The following DIP2C variants were observed in gnomAD, a reference collection of about 807,000 sequenced individuals.
DIP2C encodes the protein disco-interacting protein 2 homolog C.
A neutral mutation model predicts 192.4 loss-of-function variants in DIP2C; 33 were observed. The ratio of observed to expected loss-of-function variants is 0.17; its 90% CI spans 0.13 to 0.23. The LOEUF is 0.23. Ranked by LOEUF, DIP2C falls within the 10% of genes least tolerant of loss-of-function variation. The probability of loss-of-function intolerance (pLI) is 1.00; values close to 1 mark genes in which losing one functional copy is unlikely to be tolerated. For synonymous variants in DIP2C, 979 were observed against 864.1 expected, an observed-to-expected ratio of 1.13 and a Z score of -2.33; for missense variants, 1,537 against 2,110.1, an observed-to-expected ratio of 0.73 and a Z score of 5.32.
intron 1 of DIP2C, chr10:630,157 C>T (rs1564286899): frequency 6.6e-6 from 1 of 152,220 alleles, no homozygotes; most frequent in Non-Finnish European, 1.5e-5. Flanking sequence ...AGAAGCAAAA[C>T]CCGAGACTCA....
chr10:678,007 T>C (rs925403755), intron 1 of DIP2C, among the ~76,000 whole-genome samples: 13 of 152,380 alleles, frequency 8.5e-5, no homozygotes, highest in Non-Finnish European at 1.8e-4. Context: ...CTGCAGAGCA[T>C]AGCCCGAAGG....
chr10:315,155 G>A (rs960486535), intron 31 of DIP2C, among the ~76,000 whole-genome samples: 3 of 152,072 alleles, frequency 2.0e-5, no homozygotes, highest in African/African-American at 2.4e-5. Flanking sequence ...GTGCATTTCC[G>A]GGGCCCAACT....
chr10:326,471 C>T (rs1957276295), intron 31 of DIP2C, among the ~76,000 whole-genome samples: 1 of 152,176 alleles, frequency 6.6e-6, no homozygotes, highest in South Asian at 2.1e-4. Context: ...CCTTATTCTT[C>T]CAGGAAGGAA....
intron 1 of DIP2C, among the ~76,000 whole-genome samples, chr10:560,802 G>A (rs1277050653): frequency 2.0e-5 from 3 of 152,154 alleles, no homozygotes; most frequent in African/African-American, 7.2e-5. Flanking sequence ...TCCAGGCCAT[G>A]ATCGGTGGGG....
chr10:482,646 TGAGA>T (rs1843689173), intron 2 of DIP2C, among the ~76,000 whole-genome samples: 1 of 152,204 alleles, frequency 6.6e-6, no homozygotes, highest in African/African-American at 2.4e-5. Flanking sequence ...GAAGTTGCTG[TGAGA>T]AAGAGGAGCT....
chr10:349,502 C>T, intron 24 of DIP2C, 48 bp from the exon 25 acceptor site: 1 of 1,575,476 alleles, frequency 6.3e-7, no homozygotes, highest in Non-Finnish European at 8.6e-7. Context: ...TTCAGCAGAG[C>T]AGCTTGCAGA....
Position 678,477 on chromosome 10 carries a change from C to T in DIP2C, c.85+11017G>A, listed in dbSNP as rs554584566. ...AGGAAGCACACACGCACTCTCCATACCCTGTGCTCCCAGCACCCGTCCTCC... is the reference window on the plus strand; with the variant it reads ...AGGAAGCACACACGCACTCTCCATATCCTGTGCTCCCAGCACCCGTCCTCC... On this transcript the variant is annotated intron_variant, in intron 1 of 36. Coordinates refer to ENST00000280886, the MANE Select transcript of DIP2C (RefSeq NM_014974.3). Among the ~76,000 whole-genome samples, 6 of 145,314 alleles carry T rather than the reference C, an allele frequency of 4.1e-5. No homozygotes were observed. The Admixed American group carries it at 4.3e-4, about 10-fold the overall frequency.
chr10:288,539 TCCAACAG>T, intron 32 of DIP2C, 118 bp from the exon 33 acceptor site: 1 of 1,063,414 alleles, frequency 9.4e-7, no homozygotes, highest in Non-Finnish European at 1.4e-6. Context: ...CTGAGCATCA[TCCAACAG>T]CAAGGACGAA....
intron 2 of DIP2C, among the ~76,000 whole-genome samples, chr10:474,286 G>A (rs1970884859): frequency 6.6e-6 from 1 of 152,170 alleles, no homozygotes; most frequent in East Asian, 1.9e-4. Flanking sequence ...AGCGTCCGCA[G>A]TGTGCTACAA....
At chr10:299,983 A>G (rs1955942561) in intron 32 of DIP2C, among the ~76,000 whole-genome samples, 1 of 152,220 alleles carries the variant, frequency 6.6e-6, no homozygotes, top group Non-Finnish European at 1.5e-5. Flanking sequence ...ACCCATTAGG[A>G]TAACTACTCT....
chr10:598,573 C>T (rs954742468), intron 1 of DIP2C, among the ~76,000 whole-genome samples: 3 of 151,278 alleles, frequency 2.0e-5, no homozygotes, highest in African/African-American at 7.3e-5. Context: ...CCCTCTGCTC[C>T]TCACGCCACC....
intron 31 of DIP2C, among the ~76,000 whole-genome samples, chr10:318,473 A>C (rs1956871008): frequency 6.6e-6 from 1 of 152,218 alleles, no homozygotes; most frequent in Non-Finnish European, 1.5e-5. Context: ...TCAGCAGTGC[A>C]GACTTCAAGG....
chr10:455,374 G>A (rs1403305460), intron 3 of DIP2C, among the ~76,000 whole-genome samples: 1 of 120,682 alleles, frequency 8.3e-6, no homozygotes, highest in Non-Finnish European at 1.8e-5. Context: ...GTCCCTGCCT[G>A]AGGGGAGACC....
At chr10:478,016 G>GGGGAA (rs1843236451) in intron 2 of DIP2C, among the ~76,000 whole-genome samples, 1 of 16,570 alleles carries the variant, frequency 6.0e-5, no homozygotes, top group Admixed American at 5.4e-4. Context: ...AAAGAGGGGA[G>GGGGAA]GGGAGGGGAG....
chr10:678,381 T>A (rs547321131), intron 1 of DIP2C, among the ~76,000 whole-genome samples: 139 of 152,156 alleles, frequency 9.1e-4, no homozygotes, highest in Non-Finnish European at 1.6e-3. Context: ...AAGAATTTTT[T>A]AAAAAAGAGG....
intron 6 of DIP2C, among the ~76,000 whole-genome samples, chr10:418,265 A>AG (rs1431155809): frequency 7.6e-6 from 1 of 132,354 alleles, no homozygotes; most frequent in Non-Finnish European, 1.6e-5. Context: ...TGCACCTGTC[A>AG]GGCCTCAGAT....
chr10:358,082 C>T lies in DIP2C; in HGVS notation c.2795-145G>A, dbSNP rs188155239. The T allele has an allele frequency of 4.1e-4, 239 of 580,198 alleles. 2 individuals carry two copies. Among genetic ancestry groups the T allele is most frequent in the African/African-American group, 3.5e-3 (185 of 53,320 alleles). The allele number at this position is 580,198 out of a possible 1,614,324, so 35.9% of individuals were successfully genotyped here. A position where few individuals can be genotyped will look rare whatever the true frequency, so the allele number is the denominator to read the frequency against. ...AAACCTTCTAAGAACAGAGATTCAA[C>T]GAAATCAAATGATTGTGAAGGGGGA... On this transcript the variant is annotated intron_variant, in intron 22 of 36. Coordinates refer to ENST00000280886, the MANE Select transcript of DIP2C (RefSeq NM_014974.3).
intron 6 of DIP2C, among the ~76,000 whole-genome samples, chr10:417,667 AGGGCTCGGATAGGCCTC>A (rs1965764340): frequency 3.8e-4 from 2 of 5,302 alleles, no homozygotes; most frequent in Non-Finnish European, 4.8e-4. Context: ...TGTTCCTGTC[AGGGCTCGGATAGGCCTC>A]CCTGTCCGCC....
intron 1 of DIP2C, among the ~76,000 whole-genome samples, chr10:593,289 C>T (rs1851507360): frequency 6.6e-6 from 1 of 152,174 alleles, no homozygotes; most frequent in South Asian, 2.1e-4. Context: ...GACTTCAGAG[C>T]CTGCAAACAC....
Sources: allele counts gnomAD v4.1 joint callset (sites outside exome capture counted in the v4.1 genomes callset), GRCh38; gene constraint gnomAD v4.1.1; transcripts MANE v1.5; gene names NCBI Gene and HGNC (gene_info 2026-07-23, HGNC 2026-07-21).